Variants in PANK1 observed in about 807,000 individuals in gnomAD.
PANK1 encodes the protein pantothenic acid kinase 1.
In PANK1, 18 loss-of-function variants were observed where a neutral mutation model predicts 40.1. The ratio of observed to expected loss-of-function variants is 0.45; its 90% CI spans 0.31 to 0.67. The LOEUF is 0.67. Ranked by LOEUF, PANK1 falls within the 30% of genes least tolerant of loss-of-function variation. The pLI, the probability that PANK1 is intolerant of heterozygous loss-of-function variation, is 0.06. For missense variants in PANK1, 457 were observed against 599.6 expected (o/e 0.76, Z 2.48); for synonymous variants, 242 against 237.7 (o/e 1.02, Z -0.17).
intron 1 of PANK1, among the ~76,000 whole-genome samples, chr10:89,629,897 T>A (rs1420565595): frequency 1.3e-5 from 2 of 152,242 alleles, no homozygotes; most frequent in Admixed American, 1.3e-4. Context: ...ATGTTTCAGC[T>A]TCTTGCTGAA....
intron 1 of PANK1, among the ~76,000 whole-genome samples, chr10:89,623,415 G>A (rs1190981138): frequency 1.3e-5 from 2 of 151,680 alleles, no homozygotes; most frequent in Non-Finnish European, 2.9e-5. Flanking sequence ...TAGTGGAGAC[G>A]AGGTTTCACC....
At chr10:89,609,202 T>C (rs1431299399) in intron 2 of PANK1, among the ~76,000 whole-genome samples, 1 of 152,182 alleles carries the variant, frequency 6.6e-6, no homozygotes, top group East Asian at 1.9e-4. Flanking sequence ...GTAGCTGGGA[T>C]TACAGGCGTG....
intron 1 of PANK1, among the ~76,000 whole-genome samples, chr10:89,616,385 G>A (rs1423288465): frequency 6.6e-6 from 1 of 152,152 alleles, no homozygotes; most frequent in African/African-American, 2.4e-5. Flanking sequence ...CAAACTAGAT[G>A]TTCATCCATA....
chr10:89,636,170 G>A (rs1004450572), intron 1 of PANK1, among the ~76,000 whole-genome samples: 2 of 152,110 alleles, frequency 1.3e-5, no homozygotes, highest in African/African-American at 2.4e-5. Flanking sequence ...GACTCTCTGC[G>A]GTAGCTCCTA....
intron 1 of PANK1, among the ~76,000 whole-genome samples, chr10:89,634,170 G>A (rs1430344051): frequency 6.6e-6 from 1 of 152,136 alleles, no homozygotes; most frequent in Non-Finnish European, 1.5e-5. Flanking sequence ...CATTTATTGA[G>A]TGCTTACATT....
At chr10:89,599,673 A>G (rs1237560643) in intron 2 of PANK1, among the ~76,000 whole-genome samples, 168 bp from the exon 3 acceptor site, 2 of 152,236 alleles carry the variant, frequency 1.3e-5, no homozygotes, top group Non-Finnish European at 2.9e-5. Flanking sequence ...CTGGAAAAGT[A>G]GCCTTGGCTA....
chr10:89,626,025 A>ACT (rs1473322164), intron 1 of PANK1, among the ~76,000 whole-genome samples: 1 of 152,188 alleles, frequency 6.6e-6, no homozygotes, highest in Non-Finnish European at 1.5e-5. Flanking sequence ...GATGAGCGTC[A>ACT]CTCTAGGGAC....
chr10:89,618,338 A>G (rs1845382728), intron 1 of PANK1, among the ~76,000 whole-genome samples: 2 of 152,178 alleles, frequency 1.3e-5, no homozygotes, highest in South Asian at 4.1e-4. Flanking sequence ...GTGGTGATGA[A>G]GAGCAGATAA....
At chr10:89,586,776 GT>G in intron 6 of PANK1, among the ~76,000 whole-genome samples, 1 of 152,326 alleles carries the variant, frequency 6.6e-6, no homozygotes, top group South Asian at 2.1e-4. Context: ...TTTAAAGGAG[GT>G]GACAGAGGAG....
At chr10:89,597,368 G>C (rs1209980120) in intron 3 of PANK1, among the ~76,000 whole-genome samples, 1 of 152,116 alleles carries the variant, frequency 6.6e-6, no homozygotes, top group Admixed American at 6.5e-5. Flanking sequence ...CTCCCTTCTC[G>C]TGGTAGCCCC....
Position 89,599,350 on chromosome 10 carries a change from A to T in PANK1, c.801T>A (p.Leu267=). The change falls in exon 3 of 7, where the codon CTT becomes CTA. Residue 267 remains leucine (L), a synonymous_variant. Transcript: ENST00000307534. Reference sequence around the variant, plus strand: ...CCAGCAACATAGGGTATGGGTTATCAAGGCAGTACGGCTTTTTTTGACACA... The same window carrying T: ...CCAGCAACATAGGGTATGGGTTATCTAGGCAGTACGGCTTTTTTTGACACA... ...PELCQKKPYC[L]DNPYPMLLVN... The T allele has an allele frequency of 6.2e-7, 1 of 1,613,920 alleles. No individual in the cohort carries two copies. Among genetic ancestry groups the T allele is most frequent in the Non-Finnish European group, 8.5e-7 (1 of 1,179,786 alleles).
chr10:89,591,428 G>A (rs1041597873), intron 5 of PANK1, among the ~76,000 whole-genome samples: 3 of 152,192 alleles, frequency 2.0e-5, no homozygotes, highest in Admixed American at 2.0e-4. Flanking sequence ...GCATTTCACA[G>A]CATCTCAAGA....
At chr10:89,615,604 C>T (rs751460835) in intron 1 of PANK1, among the ~76,000 whole-genome samples, 13 of 152,276 alleles carry the variant, frequency 8.5e-5, no homozygotes, top group East Asian at 5.8e-4. Flanking sequence ...GGTTTCACCA[C>T]GTTGCCCAAG....
chr10:89,614,138 G>A (rs1845246684), intron 1 of PANK1: 4 of 413,254 alleles, frequency 9.7e-6, no homozygotes. Context: ...GTTAACAAGT[G>A]CCTGGGCTAT....
intron 1 of PANK1, among the ~76,000 whole-genome samples, chr10:89,636,925 G>A (rs536581565): frequency 1.1e-4 from 17 of 149,916 alleles, no homozygotes; most frequent in African/African-American, 2.2e-4. Context: ...GCAGTGGCGC[G>A]ATCTCGACTC....
intron 5 of PANK1, chr10:89,592,608 C>T (rs1844432080): frequency 8.9e-6 from 4 of 448,586 alleles, no homozygotes; most frequent in Non-Finnish European, 1.8e-5. Flanking sequence ...ACTTTATACA[C>T]CTTGTATTTC....
intron 5 of PANK1, chr10:89,592,811 A>C (rs774027914): frequency 1.9e-6 from 1 of 536,420 alleles, no homozygotes; most frequent in Non-Finnish European, 3.8e-6. Context: ...CACTGTAAAG[A>C]AGCTGAAAGC....
At chr10:89,586,674 C>T (rs1844205768) in intron 6 of PANK1, among the ~76,000 whole-genome samples, 1 of 152,188 alleles carries the variant, frequency 6.6e-6, no homozygotes, top group African/African-American at 2.4e-5. Context: ...TTGAAATTGA[C>T]AATACCAGCT....
At chr10:89,631,659 G>A (rs2133018437) in intron 1 of PANK1, among the ~76,000 whole-genome samples, 1 of 152,340 alleles carries the variant, frequency 6.6e-6, no homozygotes, top group African/African-American at 2.4e-5. Context: ...TTAGTCCAGT[G>A]ATACTGGGTG....
Sources: gnomAD v4.1 joint callset for allele counts (sites outside exome capture counted in the v4.1 genomes callset) on GRCh38, gnomAD v4.1.1 for gene constraint, MANE v1.5 for transcripts, NCBI Gene and HGNC (gene_info 2026-07-23, HGNC 2026-07-21) for gene names.